Variants in WDFY2 observed in about 807,000 individuals in gnomAD.
WDFY2 encodes WD repeat and FYVE domain-containing protein 2.
In WDFY2, 36 loss-of-function variants were observed where a neutral mutation model predicts 56.4. The observed-to-expected ratio is 0.64, with a 90% CI of 0.49 to 0.84. WDFY2 has a LOEUF of 0.84. Among genes scored for constraint, WDFY2 ranks in the 40% least tolerant of loss-of-function variants. The probability of loss-of-function intolerance (pLI) is 0.00; values close to 1 mark genes in which losing one functional copy is unlikely to be tolerated. For missense variants in WDFY2, 444 were observed against 512.2 expected, an observed-to-expected ratio of 0.87 and a Z score of 1.29; for synonymous variants, 176 against 183.7, an observed-to-expected ratio of 0.96 and a Z score of 0.34.
chr13:51,629,193 C>CCT (rs1314078941), intron 1 of WDFY2, among the ~76,000 whole-genome samples: 2 of 152,176 alleles, frequency 1.3e-5, no homozygotes, highest in Non-Finnish European at 2.9e-5. Flanking sequence ...CAGAGGAAGA[C>CCT]CATGAAGCAC....
At chr13:51,613,654 A>G (rs1954547081) in intron 1 of WDFY2, among the ~76,000 whole-genome samples, 1 of 152,132 alleles carries the variant, frequency 6.6e-6, no homozygotes, top group African/African-American at 2.4e-5. Context: ...AGTCTTGTAT[A>G]ATTGTTAAGA....
chr13:51,763,143 CAA>C lies in WDFY2; in HGVS notation c.*3375_*3376del, dbSNP rs1235644490. On this transcript the variant is annotated 3_prime_UTR_variant, in exon 12 of 12. Coordinates refer to ENST00000298125, the MANE Select transcript of WDFY2 (RefSeq NM_052950.4). ...CAGTTAGATATGGCTGAGATGTAAA[CAA>C]GAGAATCTAAAAGAATGTTCAAGGA... The C allele has an allele frequency of 6.6e-6, 1 of 152,058 alleles. No homozygotes were observed. The highest frequency in any genetic ancestry group is 2.4e-5 in the African/African-American group (1 of 41,394). 9.4% of individuals were successfully genotyped at this position (152,058 alleles called of 1,614,324 possible).
intron 7 of WDFY2, among the ~76,000 whole-genome samples, chr13:51,749,108 A>G (rs1190771406): frequency 5.9e-5 from 9 of 152,218 alleles, no homozygotes; most frequent in African/African-American, 2.2e-4. Flanking sequence ...TTTTCTCATC[A>G]AAATTTTTTG....
At chr13:51,604,548 G>A (rs1954349793) in intron 1 of WDFY2, among the ~76,000 whole-genome samples, 1 of 152,182 alleles carries the variant, frequency 6.6e-6, no homozygotes, top group Non-Finnish European at 1.5e-5. Context: ...GGGACAGAGA[G>A]ACTTGAGGAC....
Position 51,755,545 on chromosome 13 carries a change from GGGAGTT to G in WDFY2, c.933+88_933+93del, listed in dbSNP as rs1369552059. 4.9e-5 allele frequency: 65 copies of G among 1,324,428 alleles called. No individual in the cohort carries two copies. The Admixed American group carries it at 1.1e-3, about 23-fold the overall frequency. The allele number at this position is 1,324,428 out of a possible 1,614,324, so 82.0% of individuals were successfully genotyped here. A position where few individuals can be genotyped will look rare whatever the true frequency, so the allele number is the denominator to read the frequency against. On this transcript the variant is annotated intron_variant, in intron 9 of 11. Transcript: ENST00000298125. ...CTTAGAAGAAATAACACCCCTGGGTGGGAGTTGTGGTGAGGGTAAATTATTATCCTG... is the reference window on the plus strand; with the variant it reads ...CTTAGAAGAAATAACACCCCTGGGTGGTGGTGAGGGTAAATTATTATCCTG...
intron 8 of WDFY2, among the ~76,000 whole-genome samples, chr13:51,754,866 A>T (rs1464373255): frequency 1.3e-5 from 2 of 152,194 alleles, no homozygotes; most frequent in African/African-American, 4.8e-5. Flanking sequence ...CCATGTCTTT[A>T]AATATTTATT....
rs1292164942 is a variant in WDFY2, at chr13:51,762,263, C to T, written c.*2494C>T. The T allele has an allele frequency of 1.3e-5, 2 of 152,248 alleles. No homozygotes were observed. The highest frequency in any genetic ancestry group is 2.9e-5 in the Non-Finnish European group (2 of 68,092). 9.4% of individuals were successfully genotyped at this position (152,248 alleles called of 1,614,324 possible). On this transcript the variant is annotated 3_prime_UTR_variant, in exon 12 of 12. Transcript: ENST00000298125. ...GATGGGTCTAGATGCGTTCAGACCT[C>T]ATTCGGGAAGCAGAGTGTCCCCGTC... is the stretch of plus-strand genomic sequence containing the variant.
intron 1 of WDFY2, among the ~76,000 whole-genome samples, chr13:51,620,387 G>A (rs1954703171): frequency 6.6e-6 from 1 of 152,128 alleles, no homozygotes; most frequent in African/African-American, 2.4e-5. Context: ...GACTGTGGCG[G>A]GTCCTTGCCT....
intron 6 of WDFY2, among the ~76,000 whole-genome samples, chr13:51,732,066 T>C (rs1195839983): frequency 6.6e-6 from 1 of 152,234 alleles, no homozygotes; most frequent in African/African-American, 2.4e-5. Flanking sequence ...AGTTCTTTGC[T>C]ATTTCTGCAG....
chr13:51,595,254 A>G (rs1954123694), intron 1 of WDFY2, among the ~76,000 whole-genome samples: 1 of 152,176 alleles, frequency 6.6e-6, no homozygotes, highest in African/African-American at 2.4e-5. Context: ...CATAAGGAAT[A>G]CACTTAGGGA....
intron 6 of WDFY2, among the ~76,000 whole-genome samples, chr13:51,730,472 C>T (rs1478139009): frequency 6.6e-6 from 1 of 152,190 alleles, no homozygotes; most frequent in Non-Finnish European, 1.5e-5. Flanking sequence ...TCTTTACGCT[C>T]TGTGCTGTCC....
At position 51,717,551 on chromosome 13, in the gene WDFY2, C is replaced by T. The variant is rs370850257; in HGVS notation, c.335-1647C>T. Among the ~76,000 whole-genome samples the T allele has an allele frequency of 3.3e-5, 5 of 151,934 alleles. No homozygotes were observed. The South Asian group carries it at 1.0e-3, about 32-fold the overall frequency. On this transcript the variant is annotated intron_variant, in intron 4 of 11. Transcript: ENST00000298125. ...TGGTAGATAGAAGGCTAAAGGCCCCCTCAGTAAAAAGAGGGGTGAGGTGTT... is the reference window on the plus strand; with the variant it reads ...TGGTAGATAGAAGGCTAAAGGCCCCTTCAGTAAAAAGAGGGGTGAGGTGTT...
At chr13:51,685,148 G>T (rs1956040165) in intron 3 of WDFY2, among the ~76,000 whole-genome samples, 1 of 152,138 alleles carries the variant, frequency 6.6e-6, no homozygotes, top group African/African-American at 2.4e-5. Flanking sequence ...TCAAGAATTA[G>T]CTTTAAGCCC....
At chr13:51,605,355 C>T (rs775486756) in intron 1 of WDFY2, among the ~76,000 whole-genome samples, 34 of 152,078 alleles carry the variant, frequency 2.2e-4, no homozygotes, top group Non-Finnish European at 4.3e-4. Flanking sequence ...TTCTTAGGTA[C>T]AAAATGAGGA....
chr13:51,647,438 CG>C (rs1396164667), intron 1 of WDFY2, among the ~76,000 whole-genome samples: 3 of 152,006 alleles, frequency 2.0e-5, no homozygotes, highest in Non-Finnish European at 4.4e-5. Context: ...ACATAAAAAG[CG>C]TAAGGTAAAA....
At chr13:51,703,468 T>A (rs1011633440) in intron 3 of WDFY2, 128 bp from the exon 4 acceptor site, 2 of 666,512 alleles carry the variant, frequency 3.0e-6, no homozygotes, top group Non-Finnish European at 5.1e-6. Context: ...AATTCTGAGT[T>A]GATGGGCAAA....
chr13:51,715,731 G>A (rs1203598129), intron 4 of WDFY2, among the ~76,000 whole-genome samples: 1 of 152,130 alleles, frequency 6.6e-6, no homozygotes, highest in African/African-American at 2.4e-5. Context: ...TAACATTATT[G>A]TAGGTGCTGT....
intron 1 of WDFY2, among the ~76,000 whole-genome samples, chr13:51,640,973 C>T (rs1233039463): frequency 6.6e-6 from 1 of 152,196 alleles, no homozygotes; most frequent in African/African-American, 2.4e-5. Context: ...AAGAGTTGGA[C>T]TTTCTGTCTT....
At chr13:51,692,581 C>T (rs1453273618) in intron 3 of WDFY2, among the ~76,000 whole-genome samples, 5 of 152,182 alleles carry the variant, frequency 3.3e-5, no homozygotes, top group Non-Finnish European at 7.3e-5. Context: ...CGATGTGCTG[C>T]TGGATTCGGT....
Sources: allele counts gnomAD v4.1 joint callset (sites outside exome capture counted in the v4.1 genomes callset), GRCh38; gene constraint gnomAD v4.1.1; transcripts MANE v1.5; gene names NCBI Gene and HGNC (gene_info 2026-07-23, HGNC 2026-07-21).